Variants in TAF2 observed in about 807,000 individuals in gnomAD.
TAF2 encodes TATA-box binding protein associated factor 2.
TAF2 carries 61 observed loss-of-function variants against 138.5 expected under a neutral mutation model. The ratio of observed to expected loss-of-function variants is 0.44; its 90% CI spans 0.36 to 0.54. TAF2 has a LOEUF of 0.54. TAF2 is among the 20% of genes least tolerant of loss of function. The probability of loss-of-function intolerance (pLI) is 0.00; values close to 1 mark genes in which losing one functional copy is unlikely to be tolerated. For synonymous variants in TAF2, 475 were observed against 469.9 expected (o/e 1.01, Z -0.14); for missense variants, 1,090 against 1,427.9 (o/e 0.76, Z 3.81).
At chr8:119,766,726 C>T (rs1821447112) in intron 18 of TAF2, among the ~76,000 whole-genome samples, 1 of 151,884 alleles carries the variant, frequency 6.6e-6, no homozygotes, top group African/African-American at 2.4e-5. Flanking sequence ...CCCAGCTACT[C>T]GGGAAGTTGA....
chr8:119,741,223 C>T (rs545036930), intron 25 of TAF2, among the ~76,000 whole-genome samples: 3 of 152,162 alleles, frequency 2.0e-5, no homozygotes, highest in South Asian at 2.1e-4. Flanking sequence ...TGTGCCACAC[C>T]GCTAAGAAAA....
intron 16 of TAF2, among the ~76,000 whole-genome samples, chr8:119,781,719 G>A (rs905996546): frequency 6.7e-6 from 1 of 150,180 alleles, no homozygotes; most frequent in African/African-American, 2.5e-5. Flanking sequence ...TTTTGGAGAT[G>A]GAGTCTCGTT....
intron 3 of TAF2, among the ~76,000 whole-genome samples, chr8:119,813,743 A>C (rs1351403312): frequency 6.6e-6 from 1 of 152,228 alleles, no homozygotes; most frequent in Non-Finnish European, 1.5e-5. Flanking sequence ...TAAGTTTGTG[A>C]CTATTAAGGC....
At chr8:119,824,372 C>T (rs1239413126) in intron 2 of TAF2, among the ~76,000 whole-genome samples, 5 of 149,098 alleles carry the variant, frequency 3.4e-5, no homozygotes, top group South Asian at 2.1e-4. Context: ...GAGGTTGCAG[C>T]GAGCTGAGAT....
intron 3 of TAF2, among the ~76,000 whole-genome samples, chr8:119,812,046 T>C (rs989473384): frequency 6.6e-6 from 1 of 152,110 alleles, no homozygotes; most frequent in African/African-American, 2.4e-5. Context: ...CCAAGTAACC[T>C]TGGATATGGC....
chr8:119,785,583 T>C (rs1420486300), intron 14 of TAF2, among the ~76,000 whole-genome samples: 10 of 152,124 alleles, frequency 6.6e-5, no homozygotes, highest in African/African-American at 2.4e-4. Context: ...GATATATCAA[T>C]AAAGAAAACT....
intron 22 of TAF2, among the ~76,000 whole-genome samples, chr8:119,749,162 ATT>A (rs1368558670): frequency 2.0e-5 from 3 of 152,152 alleles, no homozygotes; most frequent in African/African-American, 7.2e-5. Context: ...TAGGGCTTTT[ATT>A]TTGTTTTTGA....
chr8:119,820,728 A>G (rs553345105), intron 2 of TAF2, among the ~76,000 whole-genome samples: 1 of 152,336 alleles, frequency 6.6e-6, no homozygotes, highest in East Asian at 1.9e-4. Context: ...AAGAAAGCCT[A>G]GAGATTCTGT....
intron 3 of TAF2, among the ~76,000 whole-genome samples, chr8:119,814,864 G>A (rs941115591): frequency 5.3e-5 from 8 of 150,600 alleles, no homozygotes; most frequent in South Asian, 4.2e-4. Flanking sequence ...AGCCAAGATC[G>A]TGTCACTGCA....
chr8:119,741,886 A>T (rs1353860688), intron 25 of TAF2, among the ~76,000 whole-genome samples: 2 of 152,218 alleles, frequency 1.3e-5, no homozygotes, highest in Admixed American at 6.5e-5. Flanking sequence ...GTTCATCAGC[A>T]TCAAATGTTT....
rs772243720 is a variant in TAF2, at chr8:119,758,031, A to G, written c.2768+42T>C. On this transcript the variant is annotated intron_variant, in intron 21 of 25. Transcript: ENST00000378164. ...AATCTGAAATTACTCAGTTCACTAT[A>G]GGACTTACAAAATATCATAGCATCA... 27 of 1,515,794 alleles carry G rather than the reference A, an allele frequency of 1.8e-5. 1 individual carries two copies. Among genetic ancestry groups the G allele is most frequent in the African/African-American group, 1.4e-4 (10 of 73,114 alleles). 93.9% of individuals were successfully genotyped at this position (1,515,794 alleles called of 1,614,324 possible).
chr8:119,746,852 T>C lies in TAF2; in HGVS notation c.2961A>G (p.Leu987=). ...GAACCAACCCAAGCTCTGGCAAGGG[T>C]AAACAGGAAGGTCTACTGAGGCCAA... ...TLFGLSRPSC[L]PLPELGLVLN... is the part of the protein sequence containing the mutation. Residue 987 remains leucine, a synonymous_variant, in exon 23 of 26, where the codon TTA becomes TTG. Transcript: ENST00000378164. 1 of 1,614,082 alleles carries C rather than the reference T, an allele frequency of 6.2e-7. No individual in the cohort carries two copies. The highest frequency in any genetic ancestry group is 1.3e-5 in the African/African-American group (1 of 75,020).
intron 2 of TAF2, among the ~76,000 whole-genome samples, chr8:119,819,852 G>A (rs1445302744): frequency 2.0e-5 from 3 of 151,954 alleles, no homozygotes; most frequent in Non-Finnish European, 4.4e-5. Flanking sequence ...AGCAGAAAGG[G>A]AATCAAAATC....
At position 119,793,391 on chromosome 8, in the gene TAF2, A is replaced by G. The variant is rs1291614666; in HGVS notation, c.1252T>C (p.Phe418Leu). Reference protein sequence around the residue: ...KTGGVLLHPIFGGGKEKDNPA... With the variant: ...KTGGVLLHPILGGGKEKDNPA... ...TTATCCTTCTCTTTTCCTCCACCAA[A>G]TATGGGATGTAGTAAAACCCCACCA... Residue 418 changes from phenylalanine (F) to leucine (L), a missense_variant, in exon 10 of 26, where the codon TTT becomes CTT. This residue lies in a region of TAF2 where 504 missense variants were observed against 680.9 expected (regional missense o/e 0.74). Transcript: ENST00000378164. The G allele has an allele frequency of 5.0e-6, 8 of 1,612,990 alleles. No homozygotes were observed. In the South Asian group the frequency reaches 7.7e-5, roughly 16 times the overall value.
At chr8:119,764,510 A>G (rs1563845121) in intron 18 of TAF2, among the ~76,000 whole-genome samples, 1 of 152,248 alleles carries the variant, frequency 6.6e-6, no homozygotes. Flanking sequence ...GGCATGCTGT[A>G]AAGTAACATG....
intron 16 of TAF2, 42 bp downstream of exon 16, chr8:119,783,339 T>C (rs1432725921): frequency 1.3e-6 from 2 of 1,586,580 alleles, no homozygotes; most frequent in African/African-American, 2.7e-5. Flanking sequence ...ATACAAAAAA[T>C]ATATACAATA....
chr8:119,772,213 C>T (rs1821890320), intron 18 of TAF2, among the ~76,000 whole-genome samples: 1 of 152,162 alleles, frequency 6.6e-6, no homozygotes, highest in Admixed American at 6.5e-5. Context: ...TGCATGCCTA[C>T]ATCAAAAAGA....
At chr8:119,819,915 A>G (rs1266367894) in intron 2 of TAF2, among the ~76,000 whole-genome samples, 1 of 152,224 alleles carries the variant, frequency 6.6e-6, no homozygotes, top group Non-Finnish European at 1.5e-5. Context: ...GTAAAAAATT[A>G]TACCACTGAA....
chr8:119,742,678 A>C (rs751334302), intron 24 of TAF2, 22 bp from the exon 25 acceptor site: 1 of 1,613,048 alleles, frequency 6.2e-7, no homozygotes, highest in African/African-American at 1.3e-5. Flanking sequence ...AACAAGAGAA[A>C]AAAGAGGGAT....
Sources: allele counts gnomAD v4.1 joint callset (sites outside exome capture counted in the v4.1 genomes callset), GRCh38; gene constraint gnomAD v4.1.1; regional missense constraint gnomAD v4.1.1; transcripts MANE v1.5; gene names NCBI Gene and HGNC (gene_info 2026-07-23, HGNC 2026-07-21).